SLC39A10: variants seen among roughly 807,000 people sequenced by gnomAD.
The protein encoded by SLC39A10 is zinc transporter ZIP10.
Under a neutral mutation model 65.1 loss-of-function variants are expected in SLC39A10, and 13 were observed. The observed-to-expected ratio is 0.20, with a 90% CI of 0.13 to 0.32. The LOEUF is 0.32. Ranked by LOEUF, SLC39A10 falls within the 10% of genes least tolerant of loss-of-function variation. SLC39A10 has a pLI of 1.00. For missense variants in SLC39A10, 831 were observed against 1,018.4 expected (o/e 0.82, Z 2.50); for synonymous variants, 321 against 342.2 (o/e 0.94, Z 0.68).
At chr2:195,623,588 T>C (rs1688395241) in intron 2 of SLC39A10, among the ~76,000 whole-genome samples, 1 of 152,198 alleles carries the variant, frequency 6.6e-6, no homozygotes, top group African/African-American at 2.4e-5. Flanking sequence ...AGTTCATAGC[T>C]AAAGTTTGAG....
chr2:195,634,124 C>T (rs760761315), intron 2 of SLC39A10, among the ~76,000 whole-genome samples: 3 of 152,226 alleles, frequency 2.0e-5, no homozygotes, highest in Non-Finnish European at 4.4e-5. Context: ...TTTACAAACA[C>T]AAATATGTTT....
At chr2:195,674,633 T>A in intron 1 of SLC39A10, 1 of 985,304 alleles carries the variant, frequency 1.0e-6, no homozygotes, top group Non-Finnish European at 1.2e-6. Context: ...CCATGTTCTG[T>A]GAGTATTGCC....
At chr2:195,651,483 C>CT (rs368495304) in intron 2 of SLC39A10, among the ~76,000 whole-genome samples, 20 of 150,884 alleles carry the variant, frequency 1.3e-4, no homozygotes, top group Middle Eastern at 3.2e-3. Flanking sequence ...TCCCAAATCT[C>CT]TTTTTTTTTG....
At chr2:195,643,443 A>G (rs991003308) in intron 2 of SLC39A10, among the ~76,000 whole-genome samples, 6 of 152,348 alleles carry the variant, frequency 3.9e-5, no homozygotes, top group Admixed American at 3.3e-4. Flanking sequence ...TTGAGTCAAT[A>G]CTGTGAAACC....
chr2:195,662,793 T>C (rs986072526), intron 1 of SLC39A10, among the ~76,000 whole-genome samples: 2 of 152,246 alleles, frequency 1.3e-5, no homozygotes, highest in Non-Finnish European at 2.9e-5. Flanking sequence ...TCCCTGCTTC[T>C]GTAAATTGTT....
intron 3 of SLC39A10, among the ~76,000 whole-genome samples, chr2:195,705,379 A>G (rs990526300): frequency 2.6e-5 from 4 of 152,192 alleles, no homozygotes; most frequent in African/African-American, 2.4e-5. Flanking sequence ...TAGATTATCT[A>G]TTGTTTTAAT....
chr2:195,663,202 C>T (rs965847731), intron 1 of SLC39A10, among the ~76,000 whole-genome samples: 2 of 152,186 alleles, frequency 1.3e-5, no homozygotes, highest in African/African-American at 4.8e-5. Flanking sequence ...CTCATGTCTT[C>T]TTTCCCTTCC....
chr2:195,632,868 A>T (rs1453123460), intron 2 of SLC39A10, among the ~76,000 whole-genome samples: 1 of 152,208 alleles, frequency 6.6e-6, no homozygotes, highest in Non-Finnish European at 1.5e-5. Flanking sequence ...CATCTTTGTC[A>T]TTCAGTTTTA....
intron 1 of SLC39A10, among the ~76,000 whole-genome samples, chr2:195,677,749 A>AT (rs58648222): frequency 0.05 from 5,982 of 119,072 alleles, 245 homozygotes; most frequent in African/African-American, 0.1. Flanking sequence ...CTTTTATCAG[A>AT]TTTTTTTTTT....
chr2:195,663,417 GATTT>G (rs1406781057), intron 1 of SLC39A10, among the ~76,000 whole-genome samples: 1 of 152,142 alleles, frequency 6.6e-6, no homozygotes, highest in African/African-American at 2.4e-5. Flanking sequence ...GCTAGGGAAA[GATTT>G]ATTTAAATAC....
At chr2:195,644,582 C>T (rs1007618720) in intron 2 of SLC39A10, among the ~76,000 whole-genome samples, 5 of 151,508 alleles carry the variant, frequency 3.3e-5, no homozygotes, top group Non-Finnish European at 2.9e-5. Flanking sequence ...CCTTGTGATC[C>T]GCCCGCTTCG....
At chr2:195,710,440 A>G (rs1269400467) in intron 5 of SLC39A10, among the ~76,000 whole-genome samples, 1 of 152,126 alleles carries the variant, frequency 6.6e-6, no homozygotes, top group African/African-American at 2.4e-5. Context: ...TTAAGATACA[A>G]TTTTATACTA....
chr2:195,716,424 G>T (rs62203610), intron 6 of SLC39A10, among the ~76,000 whole-genome samples: 1 of 152,034 alleles, frequency 6.6e-6, no homozygotes, highest in Non-Finnish European at 1.5e-5. Flanking sequence ...CTTTGTGTGT[G>T]TATGTTTGTT....
chr2:195,713,639 C>A, intron 6 of SLC39A10, 86 bp downstream of exon 6: 1 of 1,369,844 alleles, frequency 7.3e-7, no homozygotes, highest in Admixed American at 3.0e-5. Flanking sequence ...TACATTCATT[C>A]AATCTGAAAT....
At chr2:195,711,370 T>A (rs1691596705) in intron 5 of SLC39A10, among the ~76,000 whole-genome samples, 1 of 152,192 alleles carries the variant, frequency 6.6e-6, no homozygotes, top group Non-Finnish European at 1.5e-5. Flanking sequence ...GATACAAGAA[T>A]GGAGTCACCA....
At chr2:195,695,121 C>T (rs932755896) in intron 3 of SLC39A10, among the ~76,000 whole-genome samples, 1 of 152,234 alleles carries the variant, frequency 6.6e-6, no homozygotes, top group Admixed American at 6.5e-5. Flanking sequence ...GCATTCCTCT[C>T]AGTGCTCAAG....
chr2:195,704,236 T>C (rs1001644419), intron 3 of SLC39A10, among the ~76,000 whole-genome samples: 1 of 152,216 alleles, frequency 6.6e-6, no homozygotes, highest in African/African-American at 2.4e-5. Flanking sequence ...AAGTTCTTAA[T>C]TGAAGTTGCT....
chr2:195,734,203 C>A (rs1408680473), intron 9 of SLC39A10, among the ~76,000 whole-genome samples: 2 of 137,290 alleles, frequency 1.5e-5, no homozygotes, highest in Non-Finnish European at 1.6e-5. Context: ...TGGAGTTTTG[C>A]TCTGTTGCCC....
chr2:195,681,142 A>T, intron 2 of SLC39A10, 92 bp downstream of exon 2: 1 of 1,250,734 alleles, frequency 8.0e-7, no homozygotes, highest in Non-Finnish European at 1.1e-6. Flanking sequence ...TGGAGTATTA[A>T]TCATATTTAA....
Sources: gnomAD v4.1 joint callset for allele counts (sites outside exome capture counted in the v4.1 genomes callset) on GRCh38, gnomAD v4.1.1 for gene constraint, MANE v1.5 for transcripts, NCBI Gene and HGNC (gene_info 2026-07-23, HGNC 2026-07-21) for gene names.